Variants in MCF2L observed in about 807,000 individuals in gnomAD.
MCF2L encodes the protein guanine nucleotide exchange factor DBS.
In MCF2L, 97 loss-of-function variants were observed where a neutral mutation model predicts 153.4. The ratio of observed to expected loss-of-function variants is 0.63; its 90% confidence interval spans 0.54 to 0.75. MCF2L has a LOEUF of 0.75. Ranked by LOEUF, MCF2L falls within the 30% of genes least tolerant of loss-of-function variation. MCF2L has a pLI of 0.00. For synonymous variants in MCF2L, 659 were observed against 632.2 expected, an observed-to-expected ratio of 1.04 and a Z score of -0.64; for missense variants, 1,347 against 1,495.2, an observed-to-expected ratio of 0.90 and a Z score of 1.64.
At chr13:113,024,014 G>A (rs1566753242) in intron 2 of MCF2L, among the ~76,000 whole-genome samples, 1 of 152,246 alleles carries the variant, frequency 6.6e-6, no homozygotes, top group Non-Finnish European at 1.5e-5. Context: ...CCCAGGCTCG[G>A]GGGAGGGAAA....
At chr13:112,948,268 G>A (rs1376795309) in intron 2 of MCF2L, among the ~76,000 whole-genome samples, 1 of 152,160 alleles carries the variant, frequency 6.6e-6, no homozygotes, top group African/African-American at 2.4e-5. Context: ...CACACTGTTG[G>A]TTTTCTTCCC....
intron 2 of MCF2L, chr13:112,917,233 C>T: frequency 6.4e-6 from 3 of 467,300 alleles, no homozygotes; most frequent in South Asian, 3.1e-5. Flanking sequence ...GCAGAGCCTC[C>T]ACCCGCATCC....
intron 8 of MCF2L, 92 bp downstream of exon 8, chr13:113,066,262 G>A (rs2032343400): frequency 7.0e-6 from 10 of 1,430,938 alleles, no homozygotes; most frequent in South Asian, 2.9e-5. Context: ...AACAGGCCAC[G>A]GAAATAGCAA....
chr13:112,896,764 TGGCAGGTGCAC>T (rs2081071621), intron 1 of MCF2L, among the ~76,000 whole-genome samples: 1 of 152,240 alleles, frequency 6.6e-6, no homozygotes, highest in African/African-American at 2.4e-5. Context: ...GACTCTCATG[TGGCAGGTGCAC>T]GGCTCTGGGC....
intron 26 of MCF2L, chr13:113,091,329 C>T (rs755521591): frequency 4.4e-5 from 30 of 682,852 alleles, no homozygotes; most frequent in African/African-American, 1.5e-4. Flanking sequence ...GGCAGACACG[C>T]GGTTGTGTTC....
intron 2 of MCF2L, among the ~76,000 whole-genome samples, chr13:112,919,414 C>T (rs1234291918): frequency 2.6e-5 from 4 of 151,792 alleles, no homozygotes; most frequent in African/African-American, 7.3e-5. Flanking sequence ...ACCGTTTTAG[C>T]CGGGATGCTC....
chr13:113,048,149 CCG>C (rs1271884417), intron 4 of MCF2L, among the ~76,000 whole-genome samples: 1 of 152,260 alleles, frequency 6.6e-6, no homozygotes, highest in African/African-American at 2.4e-5. Flanking sequence ...TCTTCAGCTG[CCG>C]AGTGTCCTGT....
intron 2 of MCF2L, among the ~76,000 whole-genome samples, chr13:112,914,395 A>G (rs553734757): frequency 2.6e-5 from 4 of 152,286 alleles, no homozygotes; most frequent in African/African-American, 9.6e-5. Flanking sequence ...CAGTGGCTAC[A>G]CTGTATTCAC....
intron 2 of MCF2L, among the ~76,000 whole-genome samples, chr13:113,018,550 C>T (rs1052272315): frequency 6.6e-6 from 1 of 152,164 alleles, no homozygotes; most frequent in African/African-American, 2.4e-5. Context: ...GTGCTCCAAA[C>T]CCAGAGGCAA....
chr13:113,066,219 G>A (rs1211746422), intron 8 of MCF2L, 49 bp downstream of exon 8: 2 of 1,543,782 alleles, frequency 1.3e-6, no homozygotes, highest in South Asian at 1.2e-5. Flanking sequence ...GTCCATGGCA[G>A]GATCCTCTCA....
intron 2 of MCF2L, among the ~76,000 whole-genome samples, chr13:113,017,253 G>A (rs905945031): frequency 1.3e-5 from 2 of 152,218 alleles, no homozygotes; most frequent in Non-Finnish European, 2.9e-5. Context: ...CATGCACTGG[G>A]GGACCGAAAC....
At chr13:113,090,930 G>A (rs574351125) in intron 26 of MCF2L, 572 of 1,192,086 alleles carry the variant, frequency 4.8e-4, no homozygotes, top group South Asian at 6.7e-4. Context: ...ATGCCCTCCC[G>A]GCCCCTCCTT....
chr13:113,023,371 G>A lies in MCF2L; in HGVS notation c.164-1273G>A, dbSNP rs144902703. 4.6e-5 allele frequency among the ~76,000 whole-genome samples: 7 copies of A among 152,378 alleles called. No individual in the cohort carries two copies. In the East Asian group the frequency reaches 1.4e-3, roughly 29 times the overall value. On this transcript the variant is annotated intron_variant, in intron 2 of 29. Transcript: ENST00000535094. Reference sequence around the variant, plus strand: ...TGTACTGAGGAGACGCCCACAGGGAGCCTCGGGGGCCCAGCGTCCCGGGAT... The same window carrying A: ...TGTACTGAGGAGACGCCCACAGGGAACCTCGGGGGCCCAGCGTCCCGGGAT...
intron 1 of MCF2L, among the ~76,000 whole-genome samples, chr13:112,971,814 A>G (rs2082047144): frequency 6.6e-6 from 1 of 152,198 alleles, no homozygotes; most frequent in African/African-American, 2.4e-5. Context: ...TCTATGTGAT[A>G]GGGCTCATTT....
intron 3 of MCF2L, among the ~76,000 whole-genome samples, chr13:113,030,433 G>A (rs1275517918): frequency 1.3e-5 from 2 of 148,558 alleles, no homozygotes; most frequent in African/African-American, 2.5e-5. Context: ...GCCGACGCCC[G>A]GTGTGGACTC....
chr13:113,070,868 A>G lies in MCF2L; in HGVS notation c.996+695A>G, dbSNP rs1418033238. On this transcript the variant is annotated intron_variant, in intron 9 of 29. Transcript: ENST00000535094. This position sits in a 1 kb window ranked among gnomAD's most constrained non-coding sequence, Gnocchi z 5.6. ...ATCTGGGTTGTTTCCGGATTTGAGTATTACAGATAAAGCTGTTACAAACAT... is the reference window on the plus strand; with the variant it reads ...ATCTGGGTTGTTTCCGGATTTGAGTGTTACAGATAAAGCTGTTACAAACAT... Among the ~76,000 whole-genome samples the G allele has an allele frequency of 6.6e-6, 1 of 152,218 alleles. No individual in the cohort carries two copies. Among genetic ancestry groups the G allele is most frequent in the Non-Finnish European group, 1.5e-5 (1 of 68,038 alleles).
At chr13:112,946,603 A>G (rs2140691373) in intron 2 of MCF2L, among the ~76,000 whole-genome samples, 1 of 152,320 alleles carries the variant, frequency 6.6e-6, no homozygotes, top group East Asian at 1.9e-4. Flanking sequence ...GGTTTCCTCA[A>G]GGTCATTGTT....
At chr13:113,011,840 G>A (rs2084144339) in intron 1 of MCF2L, among the ~76,000 whole-genome samples, 1 of 95,134 alleles carries the variant, frequency 1.1e-5, no homozygotes, top group Admixed American at 9.5e-5. Context: ...TGATGCGGAC[G>A]GTGGACAGGC....
Position 112,938,043 on chromosome 13 carries a change from G to T in MCF2L, c.169+35672G>T, listed in dbSNP as rs75174083. Among the ~76,000 whole-genome samples, 6 of 114,922 alleles carry T rather than the reference G, an allele frequency of 5.2e-5. 1 individual carries two copies. Among genetic ancestry groups the T allele is most frequent in the Admixed American group, 3.8e-4 (4 of 10,646 alleles). 75.4% of individuals were successfully genotyped at this position (114,922 alleles called of 152,430 possible). A position where few individuals can be genotyped will look rare whatever the true frequency, so the allele number is the denominator to read the frequency against. ...GGATTGGTTCAGGTGAGCCCTGATGGGCTGGTTCAGGTAAGCGCTGAGTGG... is the reference window on the plus strand; with the variant it reads ...GGATTGGTTCAGGTGAGCCCTGATGTGCTGGTTCAGGTAAGCGCTGAGTGG... On this transcript the variant is annotated intron_variant, in intron 2 of 29. Transcript: ENST00000375608.
Sources: gnomAD v4.1 joint callset for allele counts (sites outside exome capture counted in the v4.1 genomes callset) on GRCh38, gnomAD v4.1.1 for gene constraint, Gnocchi (gnomAD v3.1) non-coding constraint, MANE v1.5 for transcripts, NCBI Gene and HGNC (gene_info 2026-07-23, HGNC 2026-07-21) for gene names.